The following RTL9 variants were observed in gnomAD, a reference collection of about 807,000 sequenced individuals.
The protein encoded by RTL9 is retrotransposon Gag like 9, also known as retrotransposon Gag-like protein 9.
RTL9 carries 19 observed loss-of-function variants against 44.7 expected under a neutral mutation model. That is an observed-to-expected ratio of 0.42 (90% CI 0.30 to 0.62). The LOEUF is 0.62. Ranked by LOEUF, RTL9 falls within the 20% of genes least tolerant of loss-of-function variation. The pLI is 0.16. For missense variants in RTL9, 1,105 were observed against 1,080.6 expected, an observed-to-expected ratio of 1.02 and a Z score of -0.32; for synonymous variants, 407 against 398.9, an observed-to-expected ratio of 1.02 and a Z score of -0.24.
At chrX:110,416,276 C>A (rs1222416023), upstream of RTL9, among the ~76,000 whole-genome samples, 4 of 112,024 alleles carry the variant, frequency 3.6e-5, no homozygotes, top group African/African-American at 1.3e-4. Context: ...AACCATTTGG[C>A]AACAGTGCCT....
chrX:110,450,145 T>A (rs60516061), upstream of RTL9, among the ~76,000 whole-genome samples: 90 of 111,498 alleles, frequency 8.1e-4, 1 homozygote, highest in East Asian at 0.021. Context: ...CAGGAACTAA[T>A]AATTATCCTG....
At chrX:110,404,269 G>A (rs5985278) in intron 1 of RTL9, among the ~76,000 whole-genome samples, 1,204 of 110,516 alleles carry the variant, frequency 0.011, 10 homozygotes, top group Middle Eastern at 0.023. Flanking sequence ...TCCCTTAATC[G>A]TCTTCATTGC....
chrX:110,432,896 C>T (rs181698485), intron 1 of RTL9, among the ~76,000 whole-genome samples: 67 of 112,764 alleles, frequency 5.9e-4, no homozygotes, highest in African/African-American at 2.2e-3. Flanking sequence ...TCAGACGCTT[C>T]TAGGAGAAGC....
intron 1 of RTL9, among the ~76,000 whole-genome samples, chrX:110,427,134 C>T (rs2068759950): frequency 8.9e-6 from 1 of 112,064 alleles, no homozygotes; most frequent in African/African-American, 3.2e-5. Context: ...TAGTTCAGGA[C>T]TCCTCCCACC....
intron 1 of RTL9, among the ~76,000 whole-genome samples, chrX:110,428,607 C>G (rs893727458): frequency 9.0e-6 from 1 of 111,358 alleles, no homozygotes; most frequent in Non-Finnish European, 1.9e-5. Flanking sequence ...CACTCCCCCC[C>G]TCTCCAAGAT....
At chrX:110,438,686 T>A (rs1340577832) in intron 1 of RTL9, among the ~76,000 whole-genome samples, 2 of 111,575 alleles carry the variant, frequency 1.8e-5, no homozygotes, top group Non-Finnish European at 3.8e-5. Flanking sequence ...GTCTTGATTT[T>A]TTTTTTAGCA....
intron 1 of RTL9, among the ~76,000 whole-genome samples, chrX:110,388,355 G>C (rs2068472305): frequency 9.0e-6 from 1 of 111,710 alleles, no homozygotes; most frequent in Non-Finnish European, 1.9e-5. Context: ...ACCTGGGTGT[G>C]TTAAAATGTG....
chrX:110,369,877 A>C (rs16985968), intron 1 of RTL9, among the ~76,000 whole-genome samples: 8,589 of 111,360 alleles, frequency 0.077, 732 homozygotes, highest in African/African-American at 0.25. Flanking sequence ...TCTGGAGTCC[A>C]TATATGGGTT....
At chrX:110,453,684 G>A (rs1569434993) in exon 1 of RTL9, 1 of 1,211,886 alleles carries the variant, frequency 8.3e-7, no homozygotes, top group East Asian at 3.0e-5. Context: ...TAGAGCCTCT[G>A]CTTCTGGAGC....
chrX:110,455,742 C>T (rs2068977165), exon 2 of RTL9: 1 of 124,720 alleles, frequency 8.0e-6, no homozygotes, highest in South Asian at 2.9e-4. Context: ...AGAGCGATGC[C>T]CACTCCTATA....
At chrX:110,406,326 A>G (rs1311986999) in intron 1 of RTL9, among the ~76,000 whole-genome samples, 2 of 105,308 alleles carry the variant, frequency 1.9e-5, no homozygotes, top group African/African-American at 7.0e-5. Context: ...CTCATTGTTC[A>G]ACTCCCACTT....
chrX:110,439,719 C>T (rs1237290755), intron 1 of RTL9, among the ~76,000 whole-genome samples: 2 of 110,929 alleles, frequency 1.8e-5, no homozygotes, highest in Non-Finnish European at 3.8e-5. Flanking sequence ...TTTTCATTTT[C>T]CAAACTAAGA....
intron 1 of RTL9, among the ~76,000 whole-genome samples, chrX:110,375,280 A>C (rs2068368369): frequency 8.9e-6 from 1 of 112,305 alleles, no homozygotes; most frequent in Admixed American, 9.4e-5. Context: ...CAGGAGAACA[A>C]GAGATGGAAT....
intron 1 of RTL9, among the ~76,000 whole-genome samples, chrX:110,375,723 T>C (rs906323510): frequency 2.7e-5 from 3 of 112,343 alleles, no homozygotes; most frequent in African/African-American, 6.5e-5. Context: ...TTTTAAAAAT[T>C]AAATTAGAAT....
At chrX:110,455,211 G>A (rs149054604) in exon 2 of RTL9, 2 of 1,208,048 alleles carry the variant, frequency 1.7e-6, no homozygotes, top group East Asian at 3.0e-5. Context: ...GCACCAGCAT[G>A]TTTCCAAACG....
intron 1 of RTL9, among the ~76,000 whole-genome samples, chrX:110,390,542 T>A (rs2148285686): frequency 9.0e-6 from 1 of 111,512 alleles, no homozygotes; most frequent in African/African-American, 3.3e-5. Context: ...GAACTGAATA[T>A]GCCCAGAGGA....
intron 1 of RTL9, among the ~76,000 whole-genome samples, chrX:110,364,806 G>A (rs1046672516): frequency 4.5e-5 from 5 of 111,795 alleles, no homozygotes; most frequent in East Asian, 2.8e-4. Context: ...TAAGTCTACC[G>A]AAGAATGTCT....
exon 1 of RTL9, chrX:110,450,646 T>A: frequency 8.3e-7 from 1 of 1,211,096 alleles, no homozygotes. Context: ...TCACTGCGAT[T>A]CAACAATACA....
intron 1 of RTL9, among the ~76,000 whole-genome samples, chrX:110,442,551 G>C (rs544101460): frequency 9.0e-6 from 1 of 111,184 alleles, no homozygotes; most frequent in East Asian, 2.8e-4. Flanking sequence ...CTGTGGTCTA[G>C]TTTTTTAAAA....
Sources: allele counts gnomAD v4.1 joint callset (sites outside exome capture counted in the v4.1 genomes callset), GRCh38; gene constraint gnomAD v4.1.1; transcripts MANE v1.5; gene names NCBI Gene and HGNC (gene_info 2026-07-23, HGNC 2026-07-21).